The following ACACA variants were observed in gnomAD, a reference collection of about 807,000 sequenced individuals.
ACACA encodes the protein acetyl-CoA carboxylase alpha, also known as acetyl-CoA carboxylase 1.
A neutral mutation model predicts 296.1 loss-of-function variants in ACACA; 103 were observed. That is an observed-to-expected ratio of 0.35 (90% CI 0.30 to 0.41). ACACA has a LOEUF of 0.41. Among genes scored for constraint, ACACA ranks in the 10% least tolerant of loss-of-function variants. The pLI is 1.00. For synonymous variants in ACACA, 953 were observed against 1,038.6 expected (o/e 0.92, Z 1.58); for missense variants, 1,554 against 2,989.7 (o/e 0.52, Z 11.20).
rs542739062 is a variant in ACACA at position 37,102,787 on chromosome 17, C to A, written c.6566-4803G>T. Reference sequence around the variant, plus strand: ...AGGACGGAGGATGCTGGCTTCTGGGCTAACAAAGGTCTTGCCCTCTCAATC... The same window carrying A: ...AGGACGGAGGATGCTGGCTTCTGGGATAACAAAGGTCTTGCCCTCTCAATC... On this transcript the variant is annotated intron_variant, in intron 52 of 55. Coordinates refer to ENST00000616317, the MANE Select transcript of ACACA (RefSeq NM_198834.3). Among the ~76,000 whole-genome samples the A allele has an allele frequency of 2.0e-4, 31 of 152,352 alleles. 1 individual carries two copies. The highest frequency in any genetic ancestry group is 6.8e-3 in the Middle Eastern group (2 of 294).
At chr17:37,170,703 A>G (rs2076852003) in intron 41 of ACACA, among the ~76,000 whole-genome samples, 1 of 152,238 alleles carries the variant, frequency 6.6e-6, no homozygotes. Flanking sequence ...ATTAACATTT[A>G]TTCTGATGGT....
chr17:37,349,536 C>T (rs889212622), intron 1 of ACACA, among the ~76,000 whole-genome samples: 222 of 144,824 alleles, frequency 1.5e-3, no homozygotes, highest in Middle Eastern at 7.2e-3. Context: ...TGTGTGCGCG[C>T]GTGTGTGTGT....
intron 50 of ACACA, among the ~76,000 whole-genome samples, chr17:37,120,391 G>A (rs146505888): frequency 2.6e-5 from 4 of 151,706 alleles, no homozygotes; most frequent in African/African-American, 9.7e-5. Context: ...TCAGCCTCCC[G>A]GGTAGCTGGG....
At chr17:37,244,092 G>A (rs757003994) in intron 21 of ACACA, among the ~76,000 whole-genome samples, 3 of 152,042 alleles carry the variant, frequency 2.0e-5, no homozygotes, top group Non-Finnish European at 2.9e-5. Context: ...GGCGGGCACA[G>A]TGGCTCACGC....
intron 1 of ACACA, among the ~76,000 whole-genome samples, chr17:37,377,541 T>C (rs2147713972): frequency 6.6e-6 from 1 of 152,008 alleles, no homozygotes; most frequent in African/African-American, 2.4e-5. Context: ...ATGCCCGTAA[T>C]CCCAGCTACT....
At chr17:37,127,891 T>C (rs1167054098) in intron 47 of ACACA, among the ~76,000 whole-genome samples, 2 of 147,902 alleles carry the variant, frequency 1.4e-5, no homozygotes, top group Non-Finnish European at 3.0e-5. Flanking sequence ...CAGGTAATCT[T>C]AGGCTCATAG....
chr17:37,145,222 G>T (rs1203957301), intron 45 of ACACA, among the ~76,000 whole-genome samples: 1 of 152,166 alleles, frequency 6.6e-6, no homozygotes, highest in African/African-American at 2.4e-5. Context: ...AATGTCCAGT[G>T]GCAAATAGAC....
chr17:37,117,143 A>C (rs1049461551), intron 50 of ACACA, among the ~76,000 whole-genome samples: 5 of 152,240 alleles, frequency 3.3e-5, no homozygotes, highest in African/African-American at 1.2e-4. Context: ...ACAAGGGAAC[A>C]GGGTGGCAGA....
rs1418197438 is a variant in ACACA, at chr17:37,299,265, T to C, written c.339-14295A>G. 2.5e-6 allele frequency: 4 copies of C among 1,612,630 alleles called. No individual in the cohort carries two copies. The East Asian group carries it at 6.7e-5, about 27-fold the overall frequency. On this transcript the variant is annotated intron_variant, in intron 3 of 55. Coordinates refer to ENST00000616317, the MANE Select transcript of ACACA (RefSeq NM_198834.3). ...AGATATATATATTACCCAAATGTGG[T>C]AGCCTAACACTTACCTTTGAAGCAT...
At chr17:37,381,649 A>G (rs975797605) in intron 1 of ACACA, among the ~76,000 whole-genome samples, 3 of 127,718 alleles carry the variant, frequency 2.3e-5, no homozygotes, top group Non-Finnish European at 4.8e-5. Flanking sequence ...TTTTTTTGAG[A>G]CAGAGTCTCG....
intron 47 of ACACA, among the ~76,000 whole-genome samples, chr17:37,126,426 T>C (rs1304571248): frequency 6.6e-6 from 1 of 152,206 alleles, no homozygotes; most frequent in Non-Finnish European, 1.5e-5. Flanking sequence ...AAGATGCACA[T>C]ACTTAATGCC....
At chr17:37,391,823 G>A in intron 1 of ACACA, 1 of 1,085,978 alleles carries the variant, frequency 9.2e-7, no homozygotes, top group Non-Finnish European at 1.4e-6. Flanking sequence ...ATCTTCAGCA[G>A]GGACATTACA....
At chr17:37,179,521 T>C in intron 40 of ACACA, 115 bp from the exon 41 acceptor site, 2 of 1,163,128 alleles carry the variant, frequency 1.7e-6, no homozygotes, top group South Asian at 2.6e-5. Context: ...TTCTGCAGAG[T>C]GTAAACATTA....
intron 43 of ACACA, among the ~76,000 whole-genome samples, chr17:37,152,755 A>G (rs946420030): frequency 6.6e-6 from 1 of 152,226 alleles, no homozygotes; most frequent in Non-Finnish European, 1.5e-5. Context: ...TTATTGTTCC[A>G]CGTGTACCCA....
At chr17:37,249,733 C>T (rs2080891003) in intron 16 of ACACA, among the ~76,000 whole-genome samples, 1 of 152,094 alleles carries the variant, frequency 6.6e-6, no homozygotes, top group Non-Finnish European at 1.5e-5. Flanking sequence ...TCACAGCATG[C>T]TACCATTTGA....
At chr17:37,100,329 C>T (rs1482031969) in intron 52 of ACACA, among the ~76,000 whole-genome samples, 1 of 152,090 alleles carries the variant, frequency 6.6e-6, no homozygotes. Flanking sequence ...ACCTAGTGAA[C>T]AACACCTTAA....
intron 14 of ACACA, among the ~76,000 whole-genome samples, chr17:37,255,900 C>A (rs2081204851): frequency 6.6e-6 from 1 of 152,080 alleles, no homozygotes; most frequent in Non-Finnish European, 1.5e-5. Context: ...GCAGTTGCCA[C>A]CACACCTGGC....
rs573243771 is a variant in ACACA at position 37,393,093 on chromosome 17, G to A, written c.38+13169C>T. ...GGAGGTGGAGGTTGCAGTGAGCCCC[G>A]AGATCTCACCATTGCACTCTAGCCT... On this transcript the variant is annotated intron_variant, in intron 1 of 55. Transcript: ENST00000616317. 1.0e-3 allele frequency among the ~76,000 whole-genome samples: 149 copies of A among 143,106 alleles called. 1 individual carries two copies. Among genetic ancestry groups the A allele is most frequent in the Non-Finnish European group, 1.7e-3 (111 of 65,816 alleles). The allele number at this position is 143,106 out of a possible 152,430, so 93.9% of individuals were successfully genotyped here.
chr17:37,258,604 T>C (rs556223044), intron 12 of ACACA, among the ~76,000 whole-genome samples: 2 of 152,322 alleles, frequency 1.3e-5, no homozygotes, highest in Admixed American at 6.5e-5. Context: ...ACATTCCTAA[T>C]GCAACAGACA....
Sources: gnomAD v4.1 joint callset for allele counts (sites outside exome capture counted in the v4.1 genomes callset) on GRCh38, gnomAD v4.1.1 for gene constraint, MANE v1.5 for transcripts, NCBI Gene and HGNC (gene_info 2026-07-23, HGNC 2026-07-21) for gene names.